Variants in RIMBP2 observed in about 807,000 individuals in gnomAD.
The protein encoded by RIMBP2 is RIMS-binding protein 2.
Under a neutral mutation model 118.6 loss-of-function variants are expected in RIMBP2, and 48 were observed. The ratio of observed to expected loss-of-function variants is 0.40; its 90% confidence interval spans 0.32 to 0.51. The LOEUF (loss-of-function observed/expected upper bound fraction) is 0.51, where lower values mean the gene tolerates loss of function less well. Ranked by LOEUF, RIMBP2 falls within the 20% of genes least tolerant of loss-of-function variation. The pLI, the probability that RIMBP2 is intolerant of heterozygous loss-of-function variation, is 0.41. For synonymous variants in RIMBP2, 762 were observed against 742.9 expected (o/e 1.03, Z -0.42); for missense variants, 1,551 against 1,768.3 (o/e 0.88, Z 2.20).
intron 1 of RIMBP2, among the ~76,000 whole-genome samples, chr12:130,642,483 C>G (rs1170868537): frequency 6.6e-6 from 1 of 152,148 alleles, no homozygotes; most frequent in Non-Finnish European, 1.5e-5. Context: ...CGGGGTGTCG[C>G]CATGTTGGCC....
Position 130,633,202 on chromosome 12 carries a change from G to T in RIMBP2, c.-351-4746C>A, listed in dbSNP as rs940521278. ...AATGCTACAATTATATCTATTGTCT[G>T]AGTATATTCATTATCTAAAGGGTGT... On this transcript the variant is annotated intron_variant, in intron 1 of 22. Transcript: ENST00000690449. Among the ~76,000 whole-genome samples, 4 of 152,186 alleles carry T rather than the reference G, an allele frequency of 2.6e-5. No homozygotes were observed. The South Asian group carries it at 6.2e-4, about 24-fold the overall frequency.
Position 130,606,484 on chromosome 12 carries a change from G to A in RIMBP2, c.-217+21838C>T, listed in dbSNP as rs146395747. ...GGCAGGTCTTTAGGTGGCTGTCACC[G>A]CATCAGCGCTGTGGAGGCGGGGAGG... On this transcript the variant is annotated intron_variant, in intron 2 of 22. Coordinates refer to ENST00000690449, the MANE Select transcript of RIMBP2 (RefSeq NM_001393629.1). Among the ~76,000 whole-genome samples the A allele has an allele frequency of 3.0e-3, 459 of 152,344 alleles. 1 individual carries two copies. Among genetic ancestry groups the A allele is most frequent in the African/African-American group, 0.01 (436 of 41,584 alleles).
At chr12:130,415,396 G>A (rs779685322) in intron 17 of RIMBP2, among the ~76,000 whole-genome samples, 4 of 152,128 alleles carry the variant, frequency 2.6e-5, no homozygotes, top group Non-Finnish European at 5.9e-5. Context: ...ATTGAAAGAT[G>A]TACCTCAAAA....
At chr12:130,715,755 T>TGCC in intron 1 of RIMBP2, among the ~76,000 whole-genome samples, 3 of 133,900 alleles carry the variant, frequency 2.2e-5, no homozygotes, top group South Asian at 5.0e-4. Context: ...CACGTCCCCT[T>TGCC]CCCCCCCTCC....
At chr12:130,579,188 T>A (rs1043910005) in intron 2 of RIMBP2, among the ~76,000 whole-genome samples, 7 of 152,166 alleles carry the variant, frequency 4.6e-5, no homozygotes, top group Admixed American at 3.9e-4. Context: ...CGGCTGGTTG[T>A]GCGATCTTGG....
At position 130,475,084 on chromosome 12, in the gene RIMBP2, T is replaced by A. The variant is rs1475557854; in HGVS notation, c.102+3828A>T. On this transcript the variant is annotated intron_variant, in intron 5 of 22. Transcript: ENST00000690449. This position sits in a 1 kb window ranked among gnomAD's most constrained non-coding sequence, Gnocchi z 4.1. ...CTGCCTTTTGCCTTTTTAAACTGTG[T>A]CTCTGCTCAGGTCCCAGAGACGAGG... Among the ~76,000 whole-genome samples the A allele has an allele frequency of 6.6e-6, 1 of 152,134 alleles. No individual in the cohort carries two copies. Among genetic ancestry groups the A allele is most frequent in the Non-Finnish European group, 1.5e-5 (1 of 68,030 alleles).
intron 2 of RIMBP2, among the ~76,000 whole-genome samples, chr12:130,572,319 C>T (rs1281923385): frequency 6.6e-6 from 1 of 152,166 alleles, no homozygotes; most frequent in Non-Finnish European, 1.5e-5. Context: ...TCCTGAGTCC[C>T]AAATGCACTC....
rs562949942 is a variant in RIMBP2 at position 130,598,982 on chromosome 12, C to T, written c.-217+29340G>A. On this transcript the variant is annotated intron_variant, in intron 2 of 22. Transcript: ENST00000690449. ...TCGGGCTCCCAAAGCACTGGGATTA[C>T]AGCTGTGAGCCACCACACTAAGTTA... 3.9e-5 allele frequency among the ~76,000 whole-genome samples: 6 copies of T among 152,316 alleles called. No individual in the cohort carries two copies. The East Asian group carries it at 5.8e-4, about 15-fold the overall frequency.
At chr12:130,663,499 T>A (rs1251331357) in intron 1 of RIMBP2, among the ~76,000 whole-genome samples, 2 of 151,582 alleles carry the variant, frequency 1.3e-5, no homozygotes, top group African/African-American at 4.9e-5. Flanking sequence ...AAAAATTAGG[T>A]TTATAAAAGT....
chr12:130,445,108 C>T (rs1037065546), intron 10 of RIMBP2, 52 bp downstream of exon 10: 20 of 1,198,924 alleles, frequency 1.7e-5, no homozygotes, highest in East Asian at 2.5e-5. Flanking sequence ...AGGTGGTCTG[C>T]GGGGTGGACT....
At chr12:130,618,968 T>A (rs1343191356) in intron 2 of RIMBP2, among the ~76,000 whole-genome samples, 1 of 152,176 alleles carries the variant, frequency 6.6e-6, no homozygotes, top group Non-Finnish European at 1.5e-5. Context: ...GGTCTTTATC[T>A]AAAAGCCAGA....
At chr12:130,682,649 C>T (rs544901296) in intron 1 of RIMBP2, among the ~76,000 whole-genome samples, 14 of 152,350 alleles carry the variant, frequency 9.2e-5, no homozygotes, top group African/African-American at 2.6e-4. Flanking sequence ...ACACGGAGTG[C>T]GTGCAGTGGT....
chr12:130,666,492 G>T (rs973281908), intron 1 of RIMBP2, among the ~76,000 whole-genome samples: 2 of 152,124 alleles, frequency 1.3e-5, no homozygotes, highest in Non-Finnish European at 2.9e-5. Context: ...TTCAGTCCAA[G>T]ATACCAAATT....
At position 130,475,203 on chromosome 12, in the gene RIMBP2, C is replaced by T. The variant is rs368544090; in HGVS notation, c.102+3709G>A. Among the ~76,000 whole-genome samples the T allele has an allele frequency of 1.2e-3, 186 of 152,352 alleles. 1 individual carries two copies. Among genetic ancestry groups the T allele is most frequent in the African/African-American group, 4.2e-3 (175 of 41,572 alleles). On this transcript the variant is annotated intron_variant, in intron 5 of 22. Transcript: ENST00000690449. This position sits in a 1 kb window ranked among gnomAD's most constrained non-coding sequence, Gnocchi z 4.1. ...TCATTCACCCATTTGTTTATTTCTC[C>T]GATTTAACAAATGCTTTCCCTTTCA... is the stretch of plus-strand genomic sequence containing the variant.
intron 1 of RIMBP2, chr12:130,660,289 G>A (rs2063599793): frequency 2.4e-5 from 1 of 40,842 alleles, no homozygotes; most frequent in South Asian, 8.0e-4. Context: ...CAGAGGGCCA[G>A]GCTAGTGCTG....
chr12:130,575,325 C>T (rs941407725), intron 2 of RIMBP2, among the ~76,000 whole-genome samples: 2 of 150,952 alleles, frequency 1.3e-5, no homozygotes, highest in Non-Finnish European at 2.9e-5. Flanking sequence ...AATGGACATG[C>T]CGCAGAGGCA....
intron 1 of RIMBP2, among the ~76,000 whole-genome samples, chr12:130,642,155 G>A (rs537443523): frequency 7.9e-5 from 12 of 152,140 alleles, no homozygotes; most frequent in African/African-American, 1.7e-4. Flanking sequence ...CTCAGGGGAC[G>A]GGATGTGGGA....
In RIMBP2 at chr12:130,641,020, C is replaced by T. The variant is rs187226505; in HGVS notation, c.-351-12564G>A. Among the ~76,000 whole-genome samples, 131 of 152,350 alleles carry T rather than the reference C, an allele frequency of 8.6e-4. 1 individual carries two copies. Among genetic ancestry groups the T allele is most frequent in the African/African-American group, 2.6e-3 (110 of 41,584 alleles). On this transcript the variant is annotated intron_variant, in intron 1 of 22. Transcript: ENST00000690449. ...AGCTAACTAATGTCGGCGTCACAGC[C>T]GTCCTGGCACTCAGCGCTGTTTCTG... is the stretch of plus-strand genomic sequence containing the variant.
At chr12:130,517,664 C>T (rs1006835256) in intron 3 of RIMBP2, among the ~76,000 whole-genome samples, 164 bp downstream of exon 3, 1 of 152,140 alleles carries the variant, frequency 6.6e-6, no homozygotes, top group Non-Finnish European at 1.5e-5. Flanking sequence ...GGGTGCCTCA[C>T]GTGCTGGTCA....
Sources: allele counts gnomAD v4.1 joint callset (sites outside exome capture counted in the v4.1 genomes callset), GRCh38; gene constraint gnomAD v4.1.1; non-coding constraint Gnocchi (gnomAD v3.1); transcripts MANE v1.5; gene names NCBI Gene and HGNC (gene_info 2026-07-23, HGNC 2026-07-21).